The following PIK3C2A variants were observed in gnomAD, a reference collection of about 807,000 sequenced individuals.
PIK3C2A encodes phosphatidylinositol 4-phosphate 3-kinase C2 domain-containing subunit alpha.
In PIK3C2A, 97 loss-of-function variants were observed where a neutral mutation model predicts 204.5. That is an observed-to-expected ratio of 0.47 (90% CI 0.40 to 0.56). The LOEUF is 0.56. Among genes scored for constraint, PIK3C2A ranks in the 20% least tolerant of loss-of-function variants. PIK3C2A has a pLI of 0.00. For synonymous variants in PIK3C2A, 653 were observed against 664.4 expected (o/e 0.98, Z 0.26); for missense variants, 1,735 against 1,969.2 (o/e 0.88, Z 2.25).
chr11:17,192,253 A>T (rs1302847535), intron 1 of PIK3C2A, among the ~76,000 whole-genome samples: 5 of 152,230 alleles, frequency 3.3e-5, no homozygotes, highest in Admixed American at 3.3e-4. Context: ...TTGCTGATAC[A>T]GTAAAGTTAT....
At chr11:17,115,414 A>G (rs1849148998) in intron 19 of PIK3C2A, among the ~76,000 whole-genome samples, 1 of 149,522 alleles carries the variant, frequency 6.7e-6, no homozygotes, top group Admixed American at 6.7e-5. Context: ...GGTGGCAAAC[A>G]CCTGTGGTCC....
intron 2 of PIK3C2A, among the ~76,000 whole-genome samples, chr11:17,162,710 C>T (rs901499827): frequency 3.3e-5 from 5 of 152,202 alleles, no homozygotes; most frequent in African/African-American, 4.8e-5. Flanking sequence ...CATAAATCTT[C>T]CACCACATGG....
chr11:17,163,963 A>AC (rs1481252583), intron 2 of PIK3C2A, among the ~76,000 whole-genome samples: 2 of 152,028 alleles, frequency 1.3e-5, no homozygotes, highest in East Asian at 3.8e-4. Context: ...CCAAATTTTA[A>AC]CTATTATTTA....
At chr11:17,144,894 CAAAAAAAAAAAAAA>C (rs35069519) in intron 8 of PIK3C2A, among the ~76,000 whole-genome samples, 8 of 78,088 alleles carry the variant, frequency 1.0e-4, no homozygotes, top group Non-Finnish European at 1.5e-4. Context: ...GACTCAGCCT[CAAAAAAAAAAAAAA>C]AAAAAAAAAA....
intron 1 of PIK3C2A, among the ~76,000 whole-genome samples, chr11:17,190,476 C>A (rs1851902143): frequency 1.3e-5 from 2 of 150,462 alleles, no homozygotes; most frequent in African/African-American, 4.9e-5. Context: ...GAGGCTGAGA[C>A]AGGAGAATCA....
Position 17,114,384 on chromosome 11 carries a change from C to G in PIK3C2A, c.3298G>C (p.Val1100Leu). Residue 1100 changes from valine to leucine, a missense_variant, in exon 20 of 33, where the codon GTG (valine) becomes CTG (leucine). Physicochemically the swap from Val to Leu is conservative, Grantham distance 32. This residue lies in a region of PIK3C2A where 567 missense variants were observed against 576.0 expected (regional missense o/e 0.98). Coordinates refer to ENST00000691414, the MANE Select transcript of PIK3C2A (RefSeq NM_002645.4). ...KCRLPLKPSL[V>L]AKELNIKSCS... ...ACCTTAATATTTAATTCTTTTGCCA[C>G]TAGACTTGGCTTGAGAGGGAGACGG... 1 of 1,550,834 alleles carries G rather than the reference C, an allele frequency of 6.4e-7. No homozygotes were observed. The highest frequency in any genetic ancestry group is 1.1e-5 in the South Asian group (1 of 89,774).
chr11:17,097,222 G>C lies in PIK3C2A; in HGVS notation c.4161C>G (p.Asn1387Lys). Reference sequence around the variant, plus strand: ...GCTGAGCAAGGTTGTGAATGAAGAAGTTAAACTTTGTGGCAATGCTTCCCA... The same window carrying C: ...GCTGAGCAAGGTTGTGAATGAAGAACTTAAACTTTGTGGCAATGCTTCCCA... ...SSLGSIATKF[N>K]FFIHNLAQLR... Residue 1387 changes from asparagine (N) to lysine (K), a missense_variant, in exon 27 of 33, where the codon AAC (asparagine) becomes AAG (lysine). Coordinates refer to ENST00000691414, the MANE Select transcript of PIK3C2A (RefSeq NM_002645.4). The C allele has an allele frequency of 6.2e-7, 1 of 1,613,730 alleles. No individual in the cohort carries two copies. Among genetic ancestry groups the C allele is most frequent in the Non-Finnish European group, 8.5e-7 (1 of 1,179,712 alleles).
chr11:17,148,816 T>C, intron 4 of PIK3C2A, 29 bp from the exon 5 acceptor site: 2 of 1,583,648 alleles, frequency 1.3e-6, no homozygotes, highest in Non-Finnish European at 1.7e-6. Context: ...TTATTTTCAC[T>C]TTGCTCATTT....
chr11:17,187,973 T>C (rs1851811954), intron 1 of PIK3C2A, among the ~76,000 whole-genome samples: 1 of 152,170 alleles, frequency 6.6e-6, no homozygotes, highest in Non-Finnish European at 1.5e-5. Context: ...ATTTACTTTT[T>C]GCTAAATTTT....
At chr11:17,128,234 CT>C (rs61076130) in intron 13 of PIK3C2A, among the ~76,000 whole-genome samples, 26 of 131,418 alleles carry the variant, frequency 2.0e-4, no homozygotes, top group Admixed American at 3.2e-4. Flanking sequence ...CTTTTTTCTC[CT>C]TTTTTTTTTT....
At position 17,189,538 on chromosome 11, in the gene PIK3C2A, T is replaced by C. The variant is rs1851869101; in HGVS notation, c.-66+18310A>G. Among the ~76,000 whole-genome samples, 3 of 145,900 alleles carry C rather than the reference T, an allele frequency of 2.1e-5. No homozygotes were observed. In the South Asian group the frequency reaches 6.2e-4, roughly 30 times the overall value. On this transcript the variant is annotated intron_variant, in intron 1 of 32. Transcript: ENST00000691414. ...ACTGAGGCTGGAGAATTGCTTGAACTTGGGAGGCAGAGATTGTGGTTGTTT... is the reference window on the plus strand; with the variant it reads ...ACTGAGGCTGGAGAATTGCTTGAACCTGGGAGGCAGAGATTGTGGTTGTTT...
intron 2 of PIK3C2A, 79 bp downstream of exon 2, chr11:17,168,598 C>A: frequency 9.2e-7 from 1 of 1,081,220 alleles, no homozygotes; most frequent in Non-Finnish European, 1.3e-6. Flanking sequence ...AAAACAAAAA[C>A]AAAAAAACAC....
intron 27 of PIK3C2A, 116 bp from the exon 28 acceptor site, chr11:17,094,501 A>G (rs1378049413): frequency 2.1e-5 from 15 of 710,402 alleles, no homozygotes; most frequent in Non-Finnish European, 3.5e-5. Context: ...AGGTGGGTGG[A>G]TCAGCTGAGG....
chr11:17,099,957 C>G lies in PIK3C2A; in HGVS notation c.4021G>C (p.Gly1341Arg), dbSNP rs1369009799. The G allele has an allele frequency of 2.0e-6, 3 of 1,533,546 alleles. 1 individual carries two copies. Among genetic ancestry groups the G allele is most frequent in the South Asian group, 2.3e-5 (2 of 87,738 alleles). 95.0% of individuals were successfully genotyped at this position (1,533,546 alleles called of 1,614,324 possible). A position where few individuals can be genotyped will look rare whatever the true frequency, so the allele number is the denominator to read the frequency against. Residue 1341 changes from glycine (G) to arginine (R), a missense_variant, in exon 26 of 33, where the codon GGG (glycine) becomes CGG (arginine). Around this residue, in one of 6 missense-constraint regions of PIK3C2A, gnomAD observed 503 missense variants for 669.0 expected, o/e 0.75. Transcript: ENST00000691414. The part of the protein sequence containing the change: ...LNLLSLMIPS[G>R]LPELTSIQDL... ...TGAATACTTGTAAGTTCTGGTAACC[C>G]TGAAGGAATCATCTGTAGAAGAAAA... is the stretch of plus-strand genomic sequence containing the variant.
intron 27 of PIK3C2A, among the ~76,000 whole-genome samples, chr11:17,095,005 T>C (rs1274286130): frequency 6.6e-6 from 1 of 152,094 alleles, no homozygotes; most frequent in South Asian, 2.1e-4. Flanking sequence ...TCCTAGCACT[T>C]TGAGGGGCCA....
intron 21 of PIK3C2A, among the ~76,000 whole-genome samples, chr11:17,111,361 T>A (rs1848995009): frequency 6.6e-6 from 1 of 152,198 alleles, no homozygotes; most frequent in Non-Finnish European, 1.5e-5. Flanking sequence ...GATTCCTCTG[T>A]ACAGTTTGTT....
chr11:17,093,656 G>T (rs965114689), intron 28 of PIK3C2A, among the ~76,000 whole-genome samples: 1 of 150,886 alleles, frequency 6.6e-6, no homozygotes, highest in African/African-American at 2.4e-5. Flanking sequence ...TTGGGGGGGG[G>T]GGACAGGGTC....
chr11:17,112,599 C>G lies in PIK3C2A; in HGVS notation c.3389G>C (p.Gly1130Ala). 6.5e-7 allele frequency: 1 copy of G among 1,547,088 alleles called. No homozygotes were observed. ...CTTAAACATGACATTAATTTCTTCT[C>G]CCATAGGGTCAGCATTCACCATTGT... The part of the protein sequence containing the change: ...KVTMVNADPM[G>A]EEINVMFKVG... Residue 1130 changes from glycine to alanine, a missense_variant, in exon 21 of 33, where the codon GGA (glycine) becomes GCA (alanine). By Grantham distance (60) the Gly-to-Ala change is moderately conservative (BLOSUM62 0). Around this residue, in one of 6 missense-constraint regions of PIK3C2A, gnomAD observed 567 missense variants for 576.0 expected, o/e 0.98. Coordinates refer to ENST00000691414, the MANE Select transcript of PIK3C2A (RefSeq NM_002645.4).
chr11:17,112,691 TAG>T, intron 20 of PIK3C2A, 25 bp from the exon 21 acceptor site: 2 of 1,223,620 alleles, frequency 1.6e-6, no homozygotes, highest in South Asian at 3.1e-5. Context: ...TGTTAAGCAT[TAG>T]AAAGATAAAT....
Sources: gnomAD v4.1 joint callset for allele counts (sites outside exome capture counted in the v4.1 genomes callset) on GRCh38, gnomAD v4.1.1 for gene constraint, gnomAD v4.1.1 regional missense constraint, MANE v1.5 for transcripts, NCBI Gene and HGNC (gene_info 2026-07-23, HGNC 2026-07-21) for gene names.